The following CA10 variants were observed in gnomAD, a reference collection of about 807,000 sequenced individuals.
CA10 encodes carbonic anhydrase-related protein 10.
Under a neutral mutation model 44.2 loss-of-function variants are expected in CA10, and 14 were observed. That is an observed-to-expected ratio of 0.32 (90% CI 0.21 to 0.50). CA10 has a LOEUF of 0.50. CA10 is among the 20% of genes least tolerant of loss of function. The pLI, the probability that CA10 is intolerant of heterozygous loss-of-function variation, is 0.99. For missense variants in CA10, 350 were observed against 409.7 expected, an observed-to-expected ratio of 0.85 and a Z score of 1.26; for synonymous variants, 159 against 141.6, an observed-to-expected ratio of 1.12 and a Z score of -0.87.
intron 3 of CA10, among the ~76,000 whole-genome samples, chr17:51,809,249 G>T (rs183737781): frequency 1.3e-5 from 2 of 152,208 alleles, no homozygotes; most frequent in Admixed American, 6.5e-5. Flanking sequence ...AGGTAGATGT[G>T]ATCATTCCCA....
At chr17:52,041,050 G>A (rs1986754980) in intron 2 of CA10, among the ~76,000 whole-genome samples, 1 of 151,960 alleles carries the variant, frequency 6.6e-6, no homozygotes, top group South Asian at 2.1e-4. Context: ...CTTGGTAGAG[G>A]AGCTAAATTA....
At chr17:52,151,388 T>C (rs1444479665) in intron 1 of CA10, among the ~76,000 whole-genome samples, 1 of 152,154 alleles carries the variant, frequency 6.6e-6, no homozygotes, top group Non-Finnish European at 1.5e-5. Flanking sequence ...AAATCTCATG[T>C]GTTCTTCTAG....
At chr17:51,880,016 A>C (rs1383944563) in intron 3 of CA10, among the ~76,000 whole-genome samples, 1 of 152,172 alleles carries the variant, frequency 6.6e-6, no homozygotes, top group Non-Finnish European at 1.5e-5. Flanking sequence ...CATGCCTTTC[A>C]TATGCAAACT....
intron 4 of CA10, among the ~76,000 whole-genome samples, chr17:51,657,098 A>G (rs1269948976): frequency 2.0e-5 from 3 of 152,200 alleles, no homozygotes; most frequent in South Asian, 2.1e-4. Context: ...ATTAAGGCAG[A>G]GATGTGCTCT....
chr17:51,659,953 G>A (rs1913938727), intron 4 of CA10, among the ~76,000 whole-genome samples: 2 of 152,208 alleles, frequency 1.3e-5, no homozygotes. Context: ...ATTTGGCTCA[G>A]AGGAGATGTT....
chr17:51,964,553 A>G (rs1403211703), intron 2 of CA10, among the ~76,000 whole-genome samples: 1 of 151,958 alleles, frequency 6.6e-6, no homozygotes, highest in Non-Finnish European at 1.5e-5. Context: ...AATTACACCA[A>G]CCATACTCTC....
chr17:52,055,783 T>C (rs955620485), intron 2 of CA10, among the ~76,000 whole-genome samples: 1 of 152,166 alleles, frequency 6.6e-6, no homozygotes, highest in African/African-American at 2.4e-5. Flanking sequence ...TATAAAACTC[T>C]TTTAAATGAG....
At chr17:51,730,633 G>A (rs553868337) in intron 4 of CA10, among the ~76,000 whole-genome samples, 2 of 152,048 alleles carry the variant, frequency 1.3e-5, no homozygotes, top group African/African-American at 4.8e-5. Flanking sequence ...ATACATGCCA[G>A]TATGAAAAAA....
chr17:52,145,489 C>T (rs1989564075), intron 1 of CA10, among the ~76,000 whole-genome samples: 1 of 152,206 alleles, frequency 6.6e-6, no homozygotes, highest in Non-Finnish European at 1.5e-5. Context: ...CATGTCCTAA[C>T]TTCCATCCTA....
At chr17:51,859,207 A>C (rs1481557493) in intron 3 of CA10, among the ~76,000 whole-genome samples, 1 of 152,142 alleles carries the variant, frequency 6.6e-6, no homozygotes, top group African/African-American at 2.4e-5. Context: ...TTTCATGACC[A>C]AATCCATACA....
intron 2 of CA10, among the ~76,000 whole-genome samples, chr17:52,038,016 G>A (rs918342092): frequency 2.0e-5 from 3 of 151,630 alleles, no homozygotes; most frequent in Non-Finnish European, 4.4e-5. Flanking sequence ...CTCCCTCTCT[G>A]TTGGTGTGTA....
intron 1 of CA10, among the ~76,000 whole-genome samples, chr17:52,077,342 T>C (rs1344816410): frequency 2.6e-5 from 4 of 152,044 alleles, no homozygotes; most frequent in African/African-American, 4.8e-5. Context: ...TTGTAAGAGG[T>C]TGGGGTCTTA....
intron 2 of CA10, among the ~76,000 whole-genome samples, chr17:52,065,390 C>T (rs951635174): frequency 6.6e-6 from 1 of 152,144 alleles, no homozygotes; most frequent in South Asian, 2.1e-4. Context: ...CCGAGTCAAG[C>T]CTTTGTCTTT....
chr17:51,722,207 T>A (rs1031493999), intron 4 of CA10, among the ~76,000 whole-genome samples: 14 of 152,206 alleles, frequency 9.2e-5, no homozygotes, highest in African/African-American at 3.1e-4. Flanking sequence ...TGAATTATGC[T>A]TTTACAGCAT....
At chr17:51,976,391 A>G (rs2144078987) in intron 2 of CA10, among the ~76,000 whole-genome samples, 1 of 152,298 alleles carries the variant, frequency 6.6e-6, no homozygotes, top group South Asian at 2.1e-4. Flanking sequence ...GACTATCAAT[A>G]ATCACATAGA....
chr17:51,725,737 G>A (rs1463238459), intron 4 of CA10, among the ~76,000 whole-genome samples: 1 of 152,128 alleles, frequency 6.6e-6, no homozygotes, highest in African/African-American at 2.4e-5. Flanking sequence ...TGTTTCTCAG[G>A]CTTGAGTAGA....
In CA10 at chr17:52,116,657, G is replaced by C. The variant is rs181236061; in HGVS notation, c.61+41069C>G. On this transcript the variant is annotated intron_variant, in intron 1 of 8. Transcript: ENST00000451037. The stretch of plus-strand genomic sequence containing the variant: ...CTAAAAAGAGAAAGGGACCAGGGGT[G>C]CCTGTTACCCCTTCTAGATGAGTAG... Among the ~76,000 whole-genome samples the C allele has an allele frequency of 8.2e-4, 125 of 152,310 alleles. 1 individual carries two copies. The Middle Eastern group carries it at 0.01, about 12-fold the overall frequency.
chr17:52,105,322 T>C (rs57939685), intron 1 of CA10, among the ~76,000 whole-genome samples: 21,247 of 151,768 alleles, frequency 0.14, 1,720 homozygotes, highest in East Asian at 0.4. Flanking sequence ...TGGCACAATC[T>C]CGGCTCAGTG....
chr17:51,912,679 C>T (rs1981836465), intron 3 of CA10, among the ~76,000 whole-genome samples: 1 of 152,086 alleles, frequency 6.6e-6, no homozygotes, highest in Non-Finnish European at 1.5e-5. Context: ...ACTGTGTGTG[C>T]AATGAAAGGG....
Sources: allele counts gnomAD v4.1 joint callset (sites outside exome capture counted in the v4.1 genomes callset), GRCh38; gene constraint gnomAD v4.1.1; transcripts MANE v1.5; gene names NCBI Gene and HGNC (gene_info 2026-07-23, HGNC 2026-07-21).